Variants in SLC4A4 observed in about 807,000 individuals in gnomAD.
SLC4A4 encodes the protein electrogenic sodium bicarbonate cotransporter 1.
A neutral mutation model predicts 111.5 loss-of-function variants in SLC4A4; 27 were observed. The ratio of observed to expected loss-of-function variants is 0.24; its 90% CI spans 0.18 to 0.33. The LOEUF is 0.33. Ranked by LOEUF, SLC4A4 falls within the 10% of genes least tolerant of loss-of-function variation. The pLI is 1.00. For synonymous variants in SLC4A4, 443 were observed against 463.4 expected (o/e 0.96, Z 0.57); for missense variants, 909 against 1,315.5 (o/e 0.69, Z 4.78).
intron 1 of SLC4A4, chr4:71,236,071 G>A: frequency 1.0e-5 from 10 of 999,428 alleles, no homozygotes; most frequent in Non-Finnish European, 1.2e-5. Flanking sequence ...CTGTGCACTA[G>A]CCTACCTCCC....
intron 2 of SLC4A4, among the ~76,000 whole-genome samples, chr4:71,238,477 A>G (rs1237679996): frequency 6.6e-6 from 1 of 152,188 alleles, no homozygotes; most frequent in Non-Finnish European, 1.5e-5. Flanking sequence ...AATTCAAGAA[A>G]TGTGTTGGTT....
chr4:71,464,888 T>C (rs1727170721), intron 12 of SLC4A4, among the ~76,000 whole-genome samples: 1 of 152,224 alleles, frequency 6.6e-6, no homozygotes, highest in African/African-American at 2.4e-5. Context: ...TGGCACTTAC[T>C]GTGTAAGTTT....
At chr4:71,167,375 T>A (rs188888209) in intron 2 of SLC4A4, among the ~76,000 whole-genome samples, 101 of 152,294 alleles carry the variant, frequency 6.6e-4, no homozygotes, top group African/African-American at 2.4e-3. Context: ...CTATGCCACA[T>A]AGCCTTATTC....
chr4:71,350,288 C>T (rs939031306), intron 5 of SLC4A4, among the ~76,000 whole-genome samples: 1 of 152,086 alleles, frequency 6.6e-6, no homozygotes, highest in African/African-American at 2.4e-5. Flanking sequence ...TAACATCTTC[C>T]TCTGGTCATT....
intron 24 of SLC4A4, among the ~76,000 whole-genome samples, chr4:71,565,527 G>C (rs1172203916): frequency 6.6e-6 from 1 of 150,804 alleles, no homozygotes; most frequent in African/African-American, 2.4e-5. Context: ...GAAGCTGATG[G>C]TCTCTAGGCA....
Position 71,508,631 on chromosome 4 carries a change from C to T in SLC4A4, c.2166+10939C>T, listed in dbSNP as rs147309682. Among the ~76,000 whole-genome samples the T allele has an allele frequency of 3.6e-3, 552 of 152,110 alleles. 3 individuals are homozygous for T. Among genetic ancestry groups the T allele is most frequent in the African/African-American group, 0.013 (522 of 41,508 alleles). On this transcript the variant is annotated intron_variant, in intron 16 of 25. Coordinates refer to ENST00000264485, the MANE Select transcript of SLC4A4 (RefSeq NM_001098484.3). ...GGCAGTAATAAGTAGCCCAACAACC[C>T]GAAAAAGCCCAGGACCAGATGGATT...
chr4:71,445,129 C>T (rs1466200701), intron 8 of SLC4A4, among the ~76,000 whole-genome samples: 2 of 152,118 alleles, frequency 1.3e-5, no homozygotes, highest in South Asian at 2.1e-4. Flanking sequence ...CGTGTAGACA[C>T]CATTGATCTG....
chr4:71,285,742 G>T (rs1261253985), intron 3 of SLC4A4, among the ~76,000 whole-genome samples: 1 of 151,832 alleles, frequency 6.6e-6, no homozygotes, highest in Non-Finnish European at 1.5e-5. Context: ...TATTTTTTTT[G>T]AACTTTGGCT....
At position 71,215,825 on chromosome 4, in the gene SLC4A4, G is replaced by A. The variant is rs1718394314; in HGVS notation, c.-1-20751G>A. ...TATAATTATCATTATTGATAATTCT[G>A]TAATGCATTGTACAGAGTCAGTTGT... On this transcript the variant is annotated intron_variant, in intron 1 of 25. Transcript: ENST00000264485. Among the ~76,000 whole-genome samples the A allele has an allele frequency of 2.6e-5, 4 of 151,684 alleles. No individual in the cohort carries two copies. The South Asian group carries it at 8.4e-4, about 32-fold the overall frequency.
At chr4:71,525,301 C>T (rs1030858752) in intron 16 of SLC4A4, among the ~76,000 whole-genome samples, 23 of 152,156 alleles carry the variant, frequency 1.5e-4, no homozygotes, top group Non-Finnish European at 2.4e-4. Flanking sequence ...ATTAATCCCG[C>T]AGAGGACAGA....
chr4:71,084,371 C>T (rs1378919828), intron 1 of SLC4A4, among the ~76,000 whole-genome samples: 1 of 151,884 alleles, frequency 6.6e-6, no homozygotes, highest in Non-Finnish European at 1.5e-5. Context: ...CCATTTAAAC[C>T]CACACCAAAT....
At chr4:71,413,294 C>T (rs931406589) in intron 7 of SLC4A4, among the ~76,000 whole-genome samples, 8 of 152,214 alleles carry the variant, frequency 5.3e-5, no homozygotes, top group Middle Eastern at 6.8e-3. Flanking sequence ...ATATCTCAGC[C>T]CTGGAAAGAC....
At chr4:71,515,927 A>G (rs911734821) in intron 16 of SLC4A4, among the ~76,000 whole-genome samples, 2 of 151,802 alleles carry the variant, frequency 1.3e-5, no homozygotes, top group Non-Finnish European at 2.9e-5. Context: ...CAGCAGTTCT[A>G]TATCTTTTAA....
chr4:71,294,355 G>C (rs1338292664), intron 3 of SLC4A4, among the ~76,000 whole-genome samples: 2 of 152,074 alleles, frequency 1.3e-5, no homozygotes, highest in Non-Finnish European at 2.9e-5. Context: ...TCAGGTTGTT[G>C]GAGACCTTGG....
rs749211210 is a variant in SLC4A4 at position 71,568,789 on chromosome 4, C to G, written c.*1038C>G. The stretch of plus-strand genomic sequence containing the variant: ...ATACATACACACACAAATACACAAT[C>G]TCTAGGGTAAGCCAGAAGGCAAGAT... On this transcript the variant is annotated 3_prime_UTR_variant, in exon 26 of 26. Transcript: ENST00000264485. The G allele has an allele frequency of 6.6e-6, 1 of 152,074 alleles. No homozygotes were observed. The highest frequency in any genetic ancestry group is 1.5e-5 in the Non-Finnish European group (1 of 67,796). The allele number at this position is 152,074 out of a possible 1,614,324, so 9.4% of individuals were successfully genotyped here.
At chr4:71,512,092 TC>T (rs1355184775) in intron 16 of SLC4A4, among the ~76,000 whole-genome samples, 1 of 152,170 alleles carries the variant, frequency 6.6e-6, no homozygotes, top group African/African-American at 2.4e-5. Flanking sequence ...AGTGCAGATT[TC>T]CTATCCCTTT....
At chr4:71,395,366 T>C (rs1486388938) in intron 6 of SLC4A4, among the ~76,000 whole-genome samples, 1 of 152,220 alleles carries the variant, frequency 6.6e-6, no homozygotes, top group Non-Finnish European at 1.5e-5. Flanking sequence ...TAATATTAAT[T>C]ACTTTTATTA....
At chr4:71,278,196 C>T (rs1723229207) in intron 3 of SLC4A4, among the ~76,000 whole-genome samples, 1 of 151,842 alleles carries the variant, frequency 6.6e-6, no homozygotes, top group South Asian at 2.1e-4. Context: ...GTTATACAGT[C>T]TTTGTCTTTC....
intron 3 of SLC4A4, among the ~76,000 whole-genome samples, chr4:71,295,868 CAG>C (rs1429837518): frequency 6.6e-6 from 1 of 152,044 alleles, no homozygotes; most frequent in Non-Finnish European, 1.5e-5. Context: ...CCATGTTGGC[CAG>C]GCTGGTCTCG....
Sources: allele counts gnomAD v4.1 joint callset (sites outside exome capture counted in the v4.1 genomes callset), GRCh38; gene constraint gnomAD v4.1.1; transcripts MANE v1.5; gene names NCBI Gene and HGNC (gene_info 2026-07-23, HGNC 2026-07-21).